Variants in CLIC5 observed in about 807,000 individuals in gnomAD.
The protein encoded by CLIC5 is chloride intracellular channel protein 5.
CLIC5 carries 20 observed loss-of-function variants against 24.7 expected under a neutral mutation model. The observed-to-expected ratio is 0.81, with a 90% CI of 0.57 to 1.18. The LOEUF (loss-of-function observed/expected upper bound fraction) is 1.18, where lower values mean the gene tolerates loss of function less well. CLIC5 is among the 50% of genes most tolerant of loss of function. CLIC5 has a pLI of 0.00. For missense variants in CLIC5, 341 were observed against 326.1 expected, an observed-to-expected ratio of 1.05 and a Z score of -0.35; for synonymous variants, 159 against 135.6, an observed-to-expected ratio of 1.17 and a Z score of -1.20.
the CLIC5 span, among the ~76,000 whole-genome samples, chr6:46,114,693 C>T: frequency 1.3e-5 from 2 of 152,146 alleles, no homozygotes; most frequent in Non-Finnish European, 2.9e-5. Flanking sequence ...TTCTTCAACC[C>T]TTCAGAATTA....
In CLIC5 at chr6:45,903,137, T is replaced by G. The variant is rs753616506; in HGVS notation, c.707A>C (p.Glu236Ala). The change falls in exon 6 of 6, where the codon GAG becomes GCG. Residue 236 changes from glutamate (E) to alanine (A), a missense_variant. Coordinates refer to ENST00000339561, the MANE Select transcript of CLIC5 (RefSeq NM_016929.5). Reference protein sequence around the residue: ...EFTNTCAADSEIELAYADVAK... With the variant: ...EFTNTCAADSAIELAYADVAK... ...GACATCAGCGTAGGCCAACTCGATC[T>G]CACTGTCAGCTGCACAGGTGTTGGT... The G allele has an allele frequency of 2.5e-6, 4 of 1,614,088 alleles. No individual in the cohort carries two copies. The African/African-American group carries it at 5.3e-5, about 22-fold the overall frequency.
intron 1 of CLIC5, among the ~76,000 whole-genome samples, chr6:46,038,117 T>C (rs142658860): frequency 4.9e-4 from 75 of 152,256 alleles, no homozygotes; most frequent in African/African-American, 1.6e-3. Flanking sequence ...GTATTAGATA[T>C]ACTAATTCTC....
chr6:45,908,531 C>T lies in CLIC5; in HGVS notation c.589-5276G>A, dbSNP rs1427734668. ...CTTTTGCCGTAATTTTGTTGTTTAC[C>T]CAAAAGTAATTCAGGAGTGAGTTGT... On this transcript the variant is annotated intron_variant, in intron 5 of 5. Coordinates refer to ENST00000339561, the MANE Select transcript of CLIC5 (RefSeq NM_016929.5). Among the ~76,000 whole-genome samples, 7 of 151,868 alleles carry T rather than the reference C, an allele frequency of 4.6e-5. No individual in the cohort carries two copies. The East Asian group carries it at 1.3e-3, about 29-fold the overall frequency.
At chr6:46,022,612 C>T (rs140837456) in intron 1 of CLIC5, among the ~76,000 whole-genome samples, 4 of 152,292 alleles carry the variant, frequency 2.6e-5, no homozygotes, top group Admixed American at 1.3e-4. Flanking sequence ...CCTAAGGTGT[C>T]CTTGGGCATG....
intron 5 of CLIC5, among the ~76,000 whole-genome samples, chr6:45,904,920 T>C (rs1424715562): frequency 6.6e-6 from 1 of 151,964 alleles, no homozygotes; most frequent in African/African-American, 2.4e-5. Context: ...TGTTGCCATC[T>C]TTATGTCCGT....
chr6:46,125,045 A>C, the CLIC5 span, among the ~76,000 whole-genome samples: 2 of 152,228 alleles, frequency 1.3e-5, no homozygotes, highest in African/African-American at 4.8e-5. Flanking sequence ...TAGAACTAGA[A>C]ATACCATTTG....
intron 4 of CLIC5, among the ~76,000 whole-genome samples, chr6:45,939,743 C>T (rs1764065773): frequency 1.3e-5 from 2 of 151,830 alleles, no homozygotes; most frequent in African/African-American, 4.8e-5. Flanking sequence ...CAGGTTCAAG[C>T]AATCCTCTTG....
chr6:46,102,905 G>T, the CLIC5 span, among the ~76,000 whole-genome samples: 1 of 152,112 alleles, frequency 6.6e-6, no homozygotes, highest in African/African-American at 2.4e-5. Context: ...AGAATGCCTC[G>T]TGAAGAATTG....
intron 1 of CLIC5, among the ~76,000 whole-genome samples, chr6:45,970,350 G>T (rs763070597): frequency 1.3e-5 from 2 of 151,980 alleles, no homozygotes; most frequent in Non-Finnish European, 2.9e-5. Flanking sequence ...ACCCAATTTC[G>T]TTTTCTCAGC....
At position 45,958,443 on chromosome 6, in the gene CLIC5, T is replaced by TATACACACACACACAC. The variant is rs1554151289; in HGVS notation, c.64-3200_64-3199insGTGTGTGTGTGTGTAT. Reference sequence around the variant, plus strand: ...ACAATTATATATATATATATATATATATATATATATATATATATATATATA... The same window carrying TATACACACACACACAC: ...ACAATTATATATATATATATATATATATACACACACACACACATATATATATATATATATATATATA... On this transcript the variant is annotated intron_variant, in intron 1 of 5. Coordinates refer to ENST00000339561, the MANE Select transcript of CLIC5 (RefSeq NM_016929.5). Among the ~76,000 whole-genome samples, 2 of 55,634 alleles carry TATACACACACACACAC rather than the reference T, an allele frequency of 3.6e-5. 1 individual carries two copies. Among genetic ancestry groups the TATACACACACACACAC allele is most frequent in the Non-Finnish European group, 7.9e-5 (2 of 25,424 alleles). 36.5% of individuals were successfully genotyped at this position (55,634 alleles called of 152,430 possible). A position where few individuals can be genotyped will look rare whatever the true frequency, so the allele number is the denominator to read the frequency against.
chr6:45,982,007 A>G (rs1765584984), intron 1 of CLIC5, among the ~76,000 whole-genome samples: 1 of 149,902 alleles, frequency 6.7e-6, no homozygotes, highest in Non-Finnish European at 1.5e-5. Flanking sequence ...CAAAAAAAAA[A>G]AAGAAAAAAA....
At chr6:45,961,827 C>G (rs1018160601) in intron 1 of CLIC5, among the ~76,000 whole-genome samples, 2 of 152,032 alleles carry the variant, frequency 1.3e-5, no homozygotes, top group Non-Finnish European at 2.9e-5. Flanking sequence ...CTGGGGTCAC[C>G]CAGGCATTTT....
At chr6:46,003,251 A>G (rs1428510449) in intron 1 of CLIC5, among the ~76,000 whole-genome samples, 1 of 152,198 alleles carries the variant, frequency 6.6e-6, no homozygotes, top group African/African-American at 2.4e-5. Context: ...GACACCACTC[A>G]TGGGACCAAA....
At chr6:46,068,239 C>G (rs1024493739) in intron 1 of CLIC5, among the ~76,000 whole-genome samples, 2 of 152,146 alleles carry the variant, frequency 1.3e-5, no homozygotes, top group African/African-American at 2.4e-5. Flanking sequence ...TCTTTAGACT[C>G]TGGCCTCAAT....
At chr6:46,079,629 T>G (rs1490627528) in intron 1 of CLIC5, 1 of 1,267,300 alleles carries the variant, frequency 7.9e-7, no homozygotes, top group African/African-American at 1.5e-5. Context: ...CTTTCCCTGG[T>G]CATTCAGAGC....
At chr6:45,882,583 T>C (rs1762272632) in intron 6 of CLIC5, among the ~76,000 whole-genome samples, 1 of 152,264 alleles carries the variant, frequency 6.6e-6, no homozygotes, top group African/African-American at 2.4e-5. Flanking sequence ...AACTGAGTTT[T>C]GCTTTGAGTA....
chr6:46,082,998 T>G (rs942881634), upstream of CLIC5, among the ~76,000 whole-genome samples: 1 of 152,252 alleles, frequency 6.6e-6, no homozygotes, highest in Non-Finnish European at 1.5e-5. Context: ...ATATGTTGAA[T>G]GAATACGTAT....
chr6:45,903,783 A>G (rs966457656), intron 5 of CLIC5, among the ~76,000 whole-genome samples: 2 of 152,144 alleles, frequency 1.3e-5, no homozygotes, highest in African/African-American at 4.8e-5. Context: ...ATACCTATAT[A>G]TTACCAGTGG....
At chr6:46,042,204 C>T (rs944018921) in intron 1 of CLIC5, among the ~76,000 whole-genome samples, 3 of 152,106 alleles carry the variant, frequency 2.0e-5, no homozygotes, top group African/African-American at 4.8e-5. Flanking sequence ...ATAAAATGCT[C>T]GTTTGCCTTG....
Sources: gnomAD v4.1 joint callset for allele counts (sites outside exome capture counted in the v4.1 genomes callset) on GRCh38, gnomAD v4.1.1 for gene constraint, MANE v1.5 for transcripts, NCBI Gene and HGNC (gene_info 2026-07-23, HGNC 2026-07-21) for gene names.